TDRD12: variants seen among roughly 807,000 people sequenced by gnomAD.
The protein encoded by TDRD12 is putative ATP-dependent RNA helicase TDRD12.
A neutral mutation model predicts 133.5 loss-of-function variants in TDRD12; 158 were observed. That is an observed-to-expected ratio of 1.18 (90% CI 1.04 to 1.35). The LOEUF (loss-of-function observed/expected upper bound fraction) is 1.35, where lower values mean the gene tolerates loss of function less well. Ranked by LOEUF, TDRD12 falls within the 40% of genes most tolerant of loss-of-function variation. The probability of loss-of-function intolerance (pLI) is 0.00; values close to 1 mark genes in which losing one functional copy is unlikely to be tolerated. For missense variants in TDRD12, 1,443 were observed against 1,321.3 expected (o/e 1.09, Z -1.43); for synonymous variants, 460 against 477.9 (o/e 0.96, Z 0.49).
chr19:32,759,598 G>A (rs986886210), intron 8 of TDRD12, among the ~76,000 whole-genome samples: 5 of 152,064 alleles, frequency 3.3e-5, no homozygotes, highest in Non-Finnish European at 5.9e-5. Flanking sequence ...CAGCCTGGGC[G>A]AGTGAGACTC....
Position 32,815,621 on chromosome 19 carries a change from G to A in TDRD12, c.3314+1G>A, listed in dbSNP as rs201697885. The A allele has an allele frequency of 3.8e-5, 58 of 1,528,942 alleles. No individual in the cohort carries two copies. Among genetic ancestry groups the A allele is most frequent in the Non-Finnish European group, 4.5e-5 (52 of 1,144,576 alleles). The allele number at this position is 1,528,942 out of a possible 1,614,324, so 94.7% of individuals were successfully genotyped here. On this transcript the variant is annotated splice_donor_variant, in intron 26 of 27. Coordinates refer to ENST00000444215, the Ensembl canonical transcript of TDRD12. LOFTEE classifies it high-confidence loss of function. ...GTGAAGAAAGCCTAAGCCAGACCCC[G>A]TAAGTGGATTTCTGTCTCCTTTTTG... is the stretch of plus-strand genomic sequence containing the variant.
chr19:32,797,401 A>T (rs1971262444), intron 14 of TDRD12, among the ~76,000 whole-genome samples: 1 of 152,156 alleles, frequency 6.6e-6, no homozygotes, highest in Non-Finnish European at 1.5e-5. Flanking sequence ...ACCATGTATT[A>T]GCTGTGCAGC....
Position 32,818,176 on chromosome 19 carries a change from G to T in TDRD12, c.3383+19G>T. The T allele has an allele frequency of 1.4e-6, 1 of 697,728 alleles. No individual in the cohort carries two copies. Among genetic ancestry groups the T allele is most frequent in the Non-Finnish European group, 2.6e-6 (1 of 382,444 alleles). 43.2% of individuals were successfully genotyped at this position (697,728 alleles called of 1,614,324 possible). On this transcript the variant is annotated intron_variant, in intron 27 of 27. Coordinates refer to ENST00000444215, the Ensembl canonical transcript of TDRD12. ...GGCAGGGGTGAGTAAGAACACCACA[G>T]AGCTTCCTCCCAGAATGCCAGGGAC...
chr19:32,775,870 A>G (rs1970568249), intron 10 of TDRD12, among the ~76,000 whole-genome samples: 1 of 152,048 alleles, frequency 6.6e-6, no homozygotes, highest in African/African-American at 2.4e-5. Context: ...CTCACTCTGG[A>G]TATTTTGAAT....
chr19:32,793,383 C>A (rs1157733788), intron 13 of TDRD12, among the ~76,000 whole-genome samples: 1 of 151,950 alleles, frequency 6.6e-6, no homozygotes, highest in African/African-American at 2.4e-5. Flanking sequence ...AAGAAGTAAC[C>A]CGAGAAAGAT....
At chr19:32,779,781 A>G (rs1462988831) in intron 11 of TDRD12, among the ~76,000 whole-genome samples, 1 of 152,054 alleles carries the variant, frequency 6.6e-6, no homozygotes, top group African/African-American at 2.4e-5. Context: ...AGGCTTTTGG[A>G]CTTTGACAAT....
chr19:32,796,402 T>C (rs1047189131), intron 14 of TDRD12, among the ~76,000 whole-genome samples: 1 of 152,006 alleles, frequency 6.6e-6, no homozygotes, highest in Non-Finnish European at 1.5e-5. Flanking sequence ...CTGGCCAACA[T>C]GGTGAAACCC....
At chr19:32,825,949 G>T (rs916867571), downstream of TDRD12, 3 of 538,140 alleles carry the variant, frequency 5.6e-6, no homozygotes, top group African/African-American at 3.8e-5. This position sits in a 1 kb window ranked among gnomAD's most constrained non-coding sequence, Gnocchi z 4.1. Flanking sequence ...GTTCTTTGCA[G>T]CTAGATACTA....
At chr19:32,793,267 G>A (rs547578518) in intron 13 of TDRD12, among the ~76,000 whole-genome samples, 2 of 152,232 alleles carry the variant, frequency 1.3e-5, no homozygotes, top group East Asian at 1.9e-4. Context: ...TGGATGGAGC[G>A]TGAGGGTAGA....
At chr19:32,826,706 T>C in intron 9 of TDRD12, 1 of 1,232,436 alleles carries the variant, frequency 8.1e-7, no homozygotes, top group Non-Finnish European at 1.0e-6. Flanking sequence ...CTTTTGATTT[T>C]GATCACTGGG....
downstream of TDRD12, chr19:32,821,367 A>G (rs1967380667): frequency 2.1e-6 from 1 of 485,948 alleles, no homozygotes; most frequent in African/African-American, 2.6e-5. Flanking sequence ...ACAGCTCAGC[A>G]GAGTGTGTGT....
At chr19:32,754,643 AG>A (rs1342254044) in intron 6 of TDRD12, among the ~76,000 whole-genome samples, 1 of 143,392 alleles carries the variant, frequency 7.0e-6, no homozygotes, top group Middle Eastern at 3.3e-3. Context: ...CTAACCATGT[AG>A]GTTGTATGTT....
At chr19:32,740,144 C>T (rs1261177380) in intron 3 of TDRD12, among the ~76,000 whole-genome samples, 1 of 136,576 alleles carries the variant, frequency 7.3e-6, no homozygotes, top group Non-Finnish European at 1.6e-5. Context: ...TGGGTGCTCT[C>T]TGCATCTCCT....
At chr19:32,744,373 G>A (rs917118948) in intron 4 of TDRD12, among the ~76,000 whole-genome samples, 13 of 151,192 alleles carry the variant, frequency 8.6e-5, no homozygotes, top group Non-Finnish European at 1.6e-4. Flanking sequence ...AGTGGTACGC[G>A]CCTGTAATCC....
intron 22 of TDRD12, among the ~76,000 whole-genome samples, chr19:32,809,646 G>T (rs1482500987): frequency 1.3e-5 from 2 of 152,156 alleles, no homozygotes; most frequent in African/African-American, 4.8e-5. Context: ...GTCCACTTCT[G>T]GATTGCCTAG....
intron 21 of TDRD12, among the ~76,000 whole-genome samples, chr19:32,806,337 G>GAT (rs1971547189): frequency 5.2e-5 from 7 of 135,272 alleles, no homozygotes; most frequent in Non-Finnish European, 3.1e-5. Context: ...AGAAGACCGA[G>GAT]TTTTTTTTTT....
intron 7 of TDRD12, 66 bp downstream of exon 7, chr19:32,756,247 A>G (rs1969988437): frequency 1.5e-6 from 2 of 1,310,578 alleles, no homozygotes; most frequent in Non-Finnish European, 9.9e-7. Flanking sequence ...GTGTATAGAT[A>G]TAAGTTGTAC....
At chr19:32,735,043 C>A (rs533785658) in intron 2 of TDRD12, among the ~76,000 whole-genome samples, 20 of 152,286 alleles carry the variant, frequency 1.3e-4, no homozygotes, top group African/African-American at 4.8e-4. Flanking sequence ...CACTGACACA[C>A]AATTGAAATT....
At chr19:32,737,950 T>C (rs1379269262) in intron 2 of TDRD12, among the ~76,000 whole-genome samples, 7 of 152,072 alleles carry the variant, frequency 4.6e-5, no homozygotes, top group Non-Finnish European at 1.0e-4. Context: ...CTGACCAATA[T>C]GATGAAATCC....
Sources: gnomAD v4.1 joint callset for allele counts (sites outside exome capture counted in the v4.1 genomes callset) on GRCh38, gnomAD v4.1.1 for gene constraint, Gnocchi (gnomAD v3.1) non-coding constraint, MANE v1.5 for transcripts, NCBI Gene and HGNC (gene_info 2026-07-23, HGNC 2026-07-21) for gene names.